Variants in PTPRD observed in about 807,000 individuals in gnomAD.
PTPRD encodes protein tyrosine phosphatase receptor type D.
Under a neutral mutation model 214.5 loss-of-function variants are expected in PTPRD, and 34 were observed. The observed-to-expected ratio is 0.16, with a 90% CI of 0.12 to 0.21. The LOEUF is 0.21. PTPRD is among the 10% of genes least tolerant of loss of function. The pLI, the probability that PTPRD is intolerant of heterozygous loss-of-function variation, is 1.00. For missense variants in PTPRD, 2,545 were observed against 2,398.7 expected (o/e 1.06, Z -1.27); for synonymous variants, 1,128 against 845.7 (o/e 1.33, Z -5.79).
At chr9:9,176,537 C>T (rs2131226748) in intron 10 of PTPRD, among the ~76,000 whole-genome samples, 1 of 152,168 alleles carries the variant, frequency 6.6e-6, no homozygotes, top group Non-Finnish European at 1.5e-5. Context: ...TCAATGTCTC[C>T]ATTAAAACTC....
At chr9:9,828,533 G>A (rs964486853) in intron 5 of PTPRD, among the ~76,000 whole-genome samples, 1 of 152,000 alleles carries the variant, frequency 6.6e-6, no homozygotes, top group African/African-American at 2.4e-5. Context: ...GATAGCATTA[G>A]GAGATATACT....
chr9:9,493,806 A>AAAG (rs1555480381), intron 8 of PTPRD, among the ~76,000 whole-genome samples: 9 of 143,752 alleles, frequency 6.3e-5, no homozygotes, highest in Non-Finnish European at 1.1e-4. Context: ...AAAAAAAAAA[A>AAAG]AAAAGAAAAG....
At chr9:9,331,120 T>G (rs2042151868) in intron 9 of PTPRD, among the ~76,000 whole-genome samples, 1 of 152,064 alleles carries the variant, frequency 6.6e-6, no homozygotes, top group Non-Finnish European at 1.5e-5. Context: ...TTTCAAGGAC[T>G]AGCTATTCTA....
chr9:8,634,543 G>A (rs767892180), intron 13 of PTPRD, among the ~76,000 whole-genome samples: 6 of 151,608 alleles, frequency 4.0e-5, no homozygotes, highest in Non-Finnish European at 7.4e-5. Context: ...TTCCATTTTT[G>A]TTCAAAATTC....
At chr9:9,268,080 G>A (rs556466918) in intron 9 of PTPRD, among the ~76,000 whole-genome samples, 27 of 150,910 alleles carry the variant, frequency 1.8e-4, no homozygotes, top group Middle Eastern at 3.4e-3. Flanking sequence ...AGAAAAAATT[G>A]TCTCTGTTTT....
chr9:10,340,216 G>T (rs544377420), intron 3 of PTPRD, among the ~76,000 whole-genome samples: 25 of 151,930 alleles, frequency 1.6e-4, no homozygotes, highest in African/African-American at 5.3e-4. Context: ...TACATTTGTT[G>T]TCAATGTTTT....
chr9:8,512,595 A>T (rs1316218957), intron 21 of PTPRD, among the ~76,000 whole-genome samples: 1 of 151,994 alleles, frequency 6.6e-6, no homozygotes, highest in African/African-American at 2.4e-5. Context: ...CAATGCCCAG[A>T]ATTTGTAATA....
At chr9:8,818,167 A>G (rs1336705729) in intron 11 of PTPRD, among the ~76,000 whole-genome samples, 2 of 152,140 alleles carry the variant, frequency 1.3e-5, no homozygotes, top group Non-Finnish European at 2.9e-5. Context: ...ATCAGAAGCC[A>G]AAGGTTTAAA....
chr9:9,706,944 T>C (rs2097630130), intron 7 of PTPRD, among the ~76,000 whole-genome samples: 1 of 152,082 alleles, frequency 6.6e-6, no homozygotes, highest in South Asian at 2.1e-4. Flanking sequence ...CAAAGGACCA[T>C]TTGGCCCCAC....
At chr9:8,480,852 G>C (rs997992642) in intron 30 of PTPRD, among the ~76,000 whole-genome samples, 9 of 152,076 alleles carry the variant, frequency 5.9e-5, no homozygotes, top group African/African-American at 1.7e-4. Flanking sequence ...CTAGATAATA[G>C]AAGAAGGGCC....
At chr9:9,319,863 A>G (rs1055317448) in intron 9 of PTPRD, among the ~76,000 whole-genome samples, 6 of 152,200 alleles carry the variant, frequency 3.9e-5, no homozygotes, top group African/African-American at 1.4e-4. Flanking sequence ...GCCAGTCTCT[A>G]TAACAAATTT....
intron 11 of PTPRD, among the ~76,000 whole-genome samples, chr9:8,950,308 A>G (rs2099094582): frequency 1.3e-5 from 2 of 152,144 alleles, no homozygotes; most frequent in South Asian, 4.1e-4. Flanking sequence ...GAGAAAATGC[A>G]AGGGCAAAAT....
intron 11 of PTPRD, among the ~76,000 whole-genome samples, chr9:8,874,232 G>T (rs1202903533): frequency 6.6e-6 from 1 of 152,124 alleles, no homozygotes; most frequent in Non-Finnish European, 1.5e-5. Flanking sequence ...AACTTGCATG[G>T]TGACTCTGCC....
At chr9:10,360,878 A>G (rs541610773) in intron 2 of PTPRD, among the ~76,000 whole-genome samples, 35 of 152,248 alleles carry the variant, frequency 2.3e-4, no homozygotes, top group South Asian at 1.0e-3. Context: ...CAAGACGGGC[A>G]GATCGCGAGG....
At chr9:10,357,484 T>A (rs1157186202) in intron 2 of PTPRD, among the ~76,000 whole-genome samples, 1 of 152,198 alleles carries the variant, frequency 6.6e-6, no homozygotes, top group Admixed American at 6.5e-5. Context: ...TAAAATGGAA[T>A]AAGATTAGCA....
intron 7 of PTPRD, among the ~76,000 whole-genome samples, chr9:9,708,654 T>A (rs914757186): frequency 7.2e-5 from 11 of 151,950 alleles, no homozygotes; most frequent in Admixed American, 2.0e-4. Flanking sequence ...TGTTTTACTT[T>A]TACAGACATT....
rs761564011 is a variant in PTPRD at position 8,891,137 on chromosome 9, A to ATTTTTTTTTTTTTTTTTTTT, written c.-104+127559_-104+127560insAAAAAAAAAAAAAAAAAAAA. ...AACTTCTGTGCTTTGAATTAATCTA[A>ATTTTTTTTTTTTTTTTTTTT]TTTTTTTTTTTTTTGAGACTGAGTC... On this transcript the variant is annotated intron_variant, in intron 11 of 45. Transcript: ENST00000381196. Among the ~76,000 whole-genome samples, 33 of 123,604 alleles carry ATTTTTTTTTTTTTTTTTTTT rather than the reference A, an allele frequency of 2.7e-4. 2 individuals are homozygous for ATTTTTTTTTTTTTTTTTTTT. Among genetic ancestry groups the ATTTTTTTTTTTTTTTTTTTT allele is most frequent in the African/African-American group, 6.6e-4 (21 of 31,640 alleles). The allele number at this position is 123,604 out of a possible 152,430, so 81.1% of individuals were successfully genotyped here.
At chr9:9,442,157 G>T (rs2088232548) in intron 8 of PTPRD, 1 of 152,202 alleles carries the variant, frequency 6.6e-6, no homozygotes, top group Non-Finnish European at 1.5e-5. Flanking sequence ...AGTGCGCTAT[G>T]CCGATCGGGT....
At chr9:8,453,455 T>C (rs567643026) in intron 33 of PTPRD, among the ~76,000 whole-genome samples, 26 of 152,342 alleles carry the variant, frequency 1.7e-4, no homozygotes, top group African/African-American at 5.3e-4. Context: ...TGAGCCACCA[T>C]GCCTGGCCGA....
Sources: allele counts gnomAD v4.1 joint callset (sites outside exome capture counted in the v4.1 genomes callset), GRCh38; gene constraint gnomAD v4.1.1; transcripts MANE v1.5; gene names NCBI Gene and HGNC (gene_info 2026-07-23, HGNC 2026-07-21).